NR3C2: variants seen among roughly 807,000 people sequenced by gnomAD.
The protein encoded by NR3C2 is nuclear receptor subfamily 3 group C member 2, also known as mineralocorticoid receptor.
A neutral mutation model predicts 86.4 loss-of-function variants in NR3C2; 15 were observed. The observed-to-expected ratio is 0.17, with a 90% confidence interval of 0.12 to 0.27. The LOEUF is 0.27. Among genes scored for constraint, NR3C2 ranks in the 10% least tolerant of loss-of-function variants. The pLI is 1.00. For synonymous variants in NR3C2, 458 were observed against 450.5 expected (o/e 1.02, Z -0.21); for missense variants, 960 against 1,195.6 (o/e 0.80, Z 2.91).
At chr4:148,379,055 T>C (rs942424207) in intron 2 of NR3C2, among the ~76,000 whole-genome samples, 1 of 152,054 alleles carries the variant, frequency 6.6e-6, no homozygotes, top group Non-Finnish European at 1.5e-5. Context: ...GCATACAATA[T>C]GATACATGAA....
intron 8 of NR3C2, among the ~76,000 whole-genome samples, chr4:148,090,732 G>A (rs1026978669): frequency 2.0e-5 from 3 of 152,194 alleles, no homozygotes; most frequent in Non-Finnish European, 4.4e-5. Context: ...CTGGGGACAG[G>A]TGTCCCAGAC....
chr4:148,154,738 C>T lies in NR3C2; in HGVS notation c.2178G>A (p.Gln726=), dbSNP rs144234574. 5.9e-3 allele frequency: 9,397 copies of T among 1,594,106 alleles called. 45 individuals carry two copies. The highest frequency in any genetic ancestry group is 7.3e-3 in the Non-Finnish European group (8,525 of 1,172,472). ...EPSVNTALVP[Q]LSTISRALTP... ...TGAGCGCTCGTGAGATTGTGGAGAG[C>T]TGAGGAACCAGTGCTGTGTTGACCG... Residue 726 remains glutamine, a synonymous_variant, in exon 5 of 9, where the codon CAG becomes CAA. Coordinates refer to ENST00000358102, the MANE Select transcript of NR3C2 (RefSeq NM_000901.5).
chr4:148,086,154 A>T (rs538932534), intron 8 of NR3C2, among the ~76,000 whole-genome samples: 32 of 152,352 alleles, frequency 2.1e-4, no homozygotes, highest in Admixed American at 1.0e-3. Flanking sequence ...CTGATACCCA[A>T]ACCTTGCAGA....
chr4:148,415,618 G>A (rs1748953745), intron 2 of NR3C2, among the ~76,000 whole-genome samples: 1 of 152,136 alleles, frequency 6.6e-6, no homozygotes, highest in Admixed American at 6.5e-5. Flanking sequence ...CCACCCGTCT[G>A]TCTAGGGCTG....
intron 3 of NR3C2, among the ~76,000 whole-genome samples, chr4:148,226,779 G>A (rs1041993398): frequency 6.6e-6 from 1 of 152,078 alleles, no homozygotes; most frequent in Non-Finnish European, 1.5e-5. Context: ...ATTTCTGGAG[G>A]TATAAAATAG....
chr4:148,203,661 C>A (rs1419286886), intron 3 of NR3C2, among the ~76,000 whole-genome samples: 1 of 138,848 alleles, frequency 7.2e-6, no homozygotes, highest in Non-Finnish European at 1.6e-5. Flanking sequence ...CTCCCCCCGC[C>A]CCGCCCCCGT....
At chr4:148,328,658 G>A (rs991864077) in intron 2 of NR3C2, among the ~76,000 whole-genome samples, 22 of 152,088 alleles carry the variant, frequency 1.4e-4, no homozygotes, top group African/African-American at 5.3e-4. Flanking sequence ...TTCTTACATT[G>A]GTATCCTTTG....
intron 2 of NR3C2, among the ~76,000 whole-genome samples, chr4:148,278,570 T>C (rs1381482045): frequency 2.0e-5 from 3 of 151,982 alleles, no homozygotes; most frequent in East Asian, 3.9e-4. Flanking sequence ...TACACGTGCG[T>C]GCGCGCGCAC....
intron 3 of NR3C2, among the ~76,000 whole-genome samples, chr4:148,255,075 C>A (rs1739765409): frequency 6.6e-6 from 1 of 151,752 alleles, no homozygotes; most frequent in South Asian, 2.1e-4. Flanking sequence ...GCTCACTGCC[C>A]CCCCCCAACA....
intron 4 of NR3C2, among the ~76,000 whole-genome samples, chr4:148,174,374 A>C (rs1735271456): frequency 1.3e-5 from 2 of 152,146 alleles, no homozygotes; most frequent in South Asian, 4.1e-4. Context: ...GTATTATCTA[A>C]AAAAGTTCAA....
chr4:148,293,567 C>T (rs1317643514), intron 2 of NR3C2, among the ~76,000 whole-genome samples: 1 of 152,144 alleles, frequency 6.6e-6, no homozygotes, highest in Non-Finnish European at 1.5e-5. Context: ...AAAATACTCA[C>T]ATTTTAATAG....
intron 5 of NR3C2, among the ~76,000 whole-genome samples, chr4:148,154,247 T>TCCATCTGCCTCAGTAAG (rs1397302608): frequency 6.6e-6 from 1 of 152,136 alleles, no homozygotes; most frequent in East Asian, 1.9e-4. Context: ...GACCTCGTGA[T>TCCATCTGCCTCAGTAAG]CCATCTGCCT....
intron 2 of NR3C2, among the ~76,000 whole-genome samples, chr4:148,429,124 C>T (rs1749685033): frequency 6.6e-6 from 1 of 152,124 alleles, no homozygotes. Context: ...GCAAGATTTT[C>T]AATGCTAAGT....
intron 2 of NR3C2, among the ~76,000 whole-genome samples, chr4:148,405,557 T>A (rs1748379244): frequency 6.6e-6 from 1 of 152,220 alleles, no homozygotes; most frequent in African/African-American, 2.4e-5. Flanking sequence ...AGAAGACTCC[T>A]TGAACTACTT....
chr4:148,338,212 A>G (rs1744586709), intron 2 of NR3C2, among the ~76,000 whole-genome samples: 1 of 152,214 alleles, frequency 6.6e-6, no homozygotes, highest in Non-Finnish European at 1.5e-5. Context: ...ACTATAATGT[A>G]ACTCACAAAA....
At chr4:148,336,305 G>A (rs1171657516) in intron 2 of NR3C2, among the ~76,000 whole-genome samples, 1 of 152,152 alleles carries the variant, frequency 6.6e-6, no homozygotes, top group Non-Finnish European at 1.5e-5. Flanking sequence ...TACATGCTAG[G>A]ATTATGCAGG....
intron 8 of NR3C2, among the ~76,000 whole-genome samples, chr4:148,093,267 T>C (rs1429595286): frequency 6.6e-6 from 1 of 152,226 alleles, no homozygotes; most frequent in Non-Finnish European, 1.5e-5. Context: ...CACAAGTCAT[T>C]GCTGGGGCAG....
intron 2 of NR3C2, among the ~76,000 whole-genome samples, chr4:148,260,609 T>C (rs72655238): frequency 7.2e-5 from 11 of 152,208 alleles, no homozygotes; most frequent in Non-Finnish European, 1.3e-4. Flanking sequence ...AATTTTATCT[T>C]GTCTCAACTG....
At chr4:148,297,693 T>G (rs934854824) in intron 2 of NR3C2, among the ~76,000 whole-genome samples, 2 of 152,194 alleles carry the variant, frequency 1.3e-5, no homozygotes, top group African/African-American at 2.4e-5. Flanking sequence ...TCAGTATATC[T>G]TAAATATTGG....
Sources: gnomAD v4.1 joint callset for allele counts (sites outside exome capture counted in the v4.1 genomes callset) on GRCh38, gnomAD v4.1.1 for gene constraint, MANE v1.5 for transcripts, NCBI Gene and HGNC (gene_info 2026-07-23, HGNC 2026-07-21) for gene names.